The following EPB41L4B variants were observed in gnomAD, a reference collection of about 807,000 sequenced individuals.
The protein encoded by EPB41L4B is band 4.1-like protein 4B.
In EPB41L4B, 30 loss-of-function variants were observed where a neutral mutation model predicts 112.5. The ratio of observed to expected loss-of-function variants is 0.27; its 90% confidence interval spans 0.20 to 0.36. The LOEUF (loss-of-function observed/expected upper bound fraction) is 0.36, where lower values mean the gene tolerates loss of function less well. Among genes scored for constraint, EPB41L4B ranks in the 10% least tolerant of loss-of-function variants. The probability of loss-of-function intolerance (pLI) is 1.00; values close to 1 mark genes in which losing one functional copy is unlikely to be tolerated. For synonymous variants in EPB41L4B, 408 were observed against 439.7 expected (o/e 0.93, Z 0.90); for missense variants, 1,024 against 1,133.3 (o/e 0.90, Z 1.38).
rs1372934599 is a variant in EPB41L4B, at chr9:109,174,509, G to A, written c.*45C>T. The A allele has an allele frequency of 3.0e-5, 46 of 1,541,972 alleles. No individual in the cohort carries two copies. The highest frequency in any genetic ancestry group is 3.9e-5 in the Non-Finnish European group (43 of 1,114,364). On this transcript the variant is annotated 3_prime_UTR_variant, in exon 26 of 26. Coordinates refer to ENST00000374566, the MANE Select transcript of EPB41L4B (RefSeq NM_019114.5). Reference sequence around the variant, plus strand: ...CACACAAAGCCCGAAGAAAGAAGACGGACAGAAGGCACCATGCCATCTTCC... The same window carrying A: ...CACACAAAGCCCGAAGAAAGAAGACAGACAGAAGGCACCATGCCATCTTCC...
intron 24 of EPB41L4B, among the ~76,000 whole-genome samples, chr9:109,179,947 C>T (rs532805097): frequency 1.3e-5 from 2 of 152,172 alleles, no homozygotes; most frequent in South Asian, 4.1e-4. Flanking sequence ...CTTCCAAGTG[C>T]ATCTGCCCTG....
chr9:109,244,956 T>G (rs1834494052), intron 14 of EPB41L4B, among the ~76,000 whole-genome samples: 1 of 152,198 alleles, frequency 6.6e-6, no homozygotes, highest in South Asian at 2.1e-4. Flanking sequence ...TGAGATGCCC[T>G]CCCTGCCTGT....
chr9:109,305,933 T>TAATTA (rs1169209082), intron 1 of EPB41L4B, among the ~76,000 whole-genome samples: 2 of 151,826 alleles, frequency 1.3e-5, no homozygotes, highest in South Asian at 2.1e-4. Context: ...CAAAAAAATA[T>TAATTA]AATTAAATTA....
At chr9:109,240,746 C>A in intron 15 of EPB41L4B, 1 of 985,392 alleles carries the variant, frequency 1.0e-6, no homozygotes, top group Non-Finnish European at 1.2e-6. Context: ...CATAAATGAT[C>A]TTGATTGCAC....
Position 109,287,610 on chromosome 9 carries a change from T to C in EPB41L4B, c.307-7689A>G, listed in dbSNP as rs117784636. ...TGAGGGTAAACGTGGCTCCCCTTTA[T>C]CTACCTGCCCCACATCCATCAGATG... On this transcript the variant is annotated intron_variant, in intron 1 of 25. Transcript: ENST00000374566. 7.8e-3 allele frequency among the ~76,000 whole-genome samples: 1,194 copies of C among 152,302 alleles called. 9 individuals are homozygous for C. Among genetic ancestry groups the C allele is most frequent in the Non-Finnish European group, 0.013 (874 of 68,022 alleles).
In EPB41L4B at chr9:109,320,510, C is replaced by CCGCTGCCGCT; in HGVS notation, c.-65_-64insAGCGGCAGCG. 2.3e-6 allele frequency: 2 copies of CCGCTGCCGCT among 881,052 alleles called. No homozygotes were observed. Among genetic ancestry groups the CCGCTGCCGCT allele is most frequent in the Non-Finnish European group, 2.7e-6 (2 of 736,474 alleles). The allele number at this position is 881,052 out of a possible 1,614,324, so 54.6% of individuals were successfully genotyped here. ...GCCGCTGCCGCTGCCGCTGCCGCTG[C>CCGCTGCCGCT]GCCGCCGCCCGGGAGCGTCCCGCGA... On this transcript the variant is annotated 5_prime_UTR_variant, in exon 1 of 26. Coordinates refer to ENST00000374566, the MANE Select transcript of EPB41L4B (RefSeq NM_019114.5).
Position 109,256,177 on chromosome 9 carries a change from T to C in EPB41L4B, c.888A>G (p.Ile296Met), listed in dbSNP as rs1834976684. 6.2e-7 allele frequency: 1 copy of C among 1,614,214 alleles called. No individual in the cohort carries two copies. Among genetic ancestry groups the C allele is most frequent in the Non-Finnish European group, 8.5e-7 (1 of 1,180,022 alleles). Residue 296 changes from isoleucine (I) to methionine (M), a missense_variant, in exon 9 of 26, where the codon ATA becomes ATG. Ile to Met is a conservative substitution (Grantham distance 10, BLOSUM62 1). Coordinates refer to ENST00000374566, the MANE Select transcript of EPB41L4B (RefSeq NM_019114.5). ...TTTTGTTAGCTCCTTCAAAGATTAA[T>C]ATGCCTGTCGGGGTCAGTCCAAGAG... The part of the protein sequence containing the change: ...EYSLGLTPTG[I>M]LIFEGANKIG...
intron 1 of EPB41L4B, among the ~76,000 whole-genome samples, chr9:109,286,253 G>A (rs1182512645): frequency 6.6e-6 from 1 of 152,008 alleles, no homozygotes; most frequent in Middle Eastern, 3.2e-3. Context: ...GGATGTGAAT[G>A]GAAGGATAGA....
intron 1 of EPB41L4B, among the ~76,000 whole-genome samples, chr9:109,313,915 T>C (rs1241036181): frequency 1.3e-5 from 2 of 152,242 alleles, no homozygotes; most frequent in Admixed American, 1.3e-4. Context: ...CACAGATGAA[T>C]GCGCACCCCT....
At chr9:109,273,105 C>G (rs1426968881) in intron 2 of EPB41L4B, among the ~76,000 whole-genome samples, 1 of 152,178 alleles carries the variant, frequency 6.6e-6, no homozygotes, top group African/African-American at 2.4e-5. Context: ...TGTGAGATGA[C>G]TTCCTTGGAA....
At chr9:109,194,014 A>G (rs1220256259) in intron 21 of EPB41L4B, among the ~76,000 whole-genome samples, 3 of 152,340 alleles carry the variant, frequency 2.0e-5, no homozygotes, top group African/African-American at 7.2e-5. Flanking sequence ...ACCTGATTTT[A>G]TATTTCACTC....
At chr9:109,176,254 A>G (rs1449521754) in intron 25 of EPB41L4B, among the ~76,000 whole-genome samples, 3 of 151,912 alleles carry the variant, frequency 2.0e-5, no homozygotes, top group African/African-American at 7.3e-5. Flanking sequence ...CAGCCTCCCA[A>G]GTAGCTGGAA....
rs549561405 is a variant in EPB41L4B at position 109,245,927 on chromosome 9, G to A, written c.1344+1829C>T. 3.3e-5 allele frequency among the ~76,000 whole-genome samples: 5 copies of A among 152,300 alleles called. No homozygotes were observed. In the East Asian group the frequency reaches 5.8e-4, roughly 18 times the overall value. Reference sequence around the variant, plus strand: ...CTCATGTTCACTCTAAGCAGAAAACGCACAGTGAGAACACACTACAGGCTA... The same window carrying A: ...CTCATGTTCACTCTAAGCAGAAAACACACAGTGAGAACACACTACAGGCTA... On this transcript the variant is annotated intron_variant, in intron 14 of 25. Transcript: ENST00000374566.
At chr9:109,231,624 T>G (rs186032948) in intron 15 of EPB41L4B, among the ~76,000 whole-genome samples, 1 of 152,316 alleles carries the variant, frequency 6.6e-6, no homozygotes, top group East Asian at 1.9e-4. Flanking sequence ...AGTTCCTGGG[T>G]CTGAGTCCTG....
At chr9:109,286,968 T>C (rs1836310736) in intron 1 of EPB41L4B, among the ~76,000 whole-genome samples, 1 of 152,226 alleles carries the variant, frequency 6.6e-6, no homozygotes, top group Non-Finnish European at 1.5e-5. Context: ...ATCAATGTTT[T>C]CTAGTTTTTC....
chr9:109,283,374 A>C (rs1238060762), intron 1 of EPB41L4B, among the ~76,000 whole-genome samples: 1 of 152,220 alleles, frequency 6.6e-6, no homozygotes. Context: ...TGAAAACTGC[A>C]TCATGGGATT....
intron 23 of EPB41L4B, among the ~76,000 whole-genome samples, chr9:109,184,009 T>C (rs903669879): frequency 2.0e-5 from 3 of 152,258 alleles, no homozygotes; most frequent in African/African-American, 7.2e-5. Context: ...CCAAATTTCT[T>C]TGGTCTCTTT....
Position 109,279,846 on chromosome 9 carries a change from G to A in EPB41L4B, c.382C>T (p.Leu128Phe). ...ACCTGGGCAGAGTCGAGGAACTGGA[G>A]GCCAAAGTAATCTGTTTCCACAAGG... ...LDLVETDYFGLQFLDSAQVAH... is the reference protein window; with the variant it reads ...LDLVETDYFGFQFLDSAQVAH... The change falls in exon 2 of 26, where the codon CTC becomes TTC. Residue 128 changes from leucine (L) to phenylalanine (F), a missense_variant. Physicochemically the swap from Leu to Phe is conservative, Grantham distance 22 (BLOSUM62 0). Coordinates refer to ENST00000374566, the MANE Select transcript of EPB41L4B (RefSeq NM_019114.5). 3 of 1,614,116 alleles carry A rather than the reference G, an allele frequency of 1.9e-6. No individual in the cohort carries two copies. The highest frequency in any genetic ancestry group is 2.5e-6 in the Non-Finnish European group (3 of 1,180,014).
intron 17 of EPB41L4B, among the ~76,000 whole-genome samples, chr9:109,211,552 G>T (rs2118805099): frequency 6.7e-6 from 1 of 148,390 alleles, no homozygotes; most frequent in South Asian, 2.2e-4. Flanking sequence ...CCGAGATCAT[G>T]CCACTGCACT....
Sources: gnomAD v4.1 joint callset for allele counts (sites outside exome capture counted in the v4.1 genomes callset) on GRCh38, gnomAD v4.1.1 for gene constraint, MANE v1.5 for transcripts, NCBI Gene and HGNC (gene_info 2026-07-23, HGNC 2026-07-21) for gene names.